The following ERC2 variants were observed in gnomAD, a reference collection of about 807,000 sequenced individuals.
ERC2 encodes ELKS/RAB6-interacting/CAST family member 2.
ERC2 carries 42 observed loss-of-function variants against 114.8 expected under a neutral mutation model. The observed-to-expected ratio is 0.37, with a 90% CI of 0.29 to 0.47. The LOEUF (loss-of-function observed/expected upper bound fraction) is 0.47. Ranked by LOEUF, ERC2 falls within the 20% of genes least tolerant of loss-of-function variation. The pLI is 0.99. For missense variants in ERC2, 939 were observed against 1,150.7 expected (o/e 0.82, Z 2.66); for synonymous variants, 454 against 425.5 (o/e 1.07, Z -0.82).
chr3:55,641,240 T>C (rs2060168930), intron 17 of ERC2, among the ~76,000 whole-genome samples: 1 of 152,140 alleles, frequency 6.6e-6, no homozygotes. Flanking sequence ...CATTATACCC[T>C]GACTTTTCAG....
At chr3:56,068,231 A>G (rs1160209019) in intron 7 of ERC2, among the ~76,000 whole-genome samples, 2 of 152,156 alleles carry the variant, frequency 1.3e-5, no homozygotes, top group African/African-American at 4.8e-5. Context: ...TTATTGGTCT[A>G]TTCAAGGATT....
At chr3:56,410,257 A>C (rs2107097898) in intron 2 of ERC2, among the ~76,000 whole-genome samples, 1 of 152,374 alleles carries the variant, frequency 6.6e-6, no homozygotes, top group Middle Eastern at 3.4e-3. Context: ...TATAAAACAT[A>C]AATTTAGTAA....
intron 2 of ERC2, among the ~76,000 whole-genome samples, chr3:56,348,949 AAGGAAG>A (rs1560643127): frequency 1.5e-5 from 2 of 137,746 alleles, no homozygotes; most frequent in East Asian, 2.0e-4. Context: ...GGAAGGAAGG[AAGGAAG>A]GAAAGAAAGA....
chr3:56,243,693 C>G (rs4974127), intron 3 of ERC2, among the ~76,000 whole-genome samples: 1 of 151,876 alleles, frequency 6.6e-6, no homozygotes, highest in African/African-American at 2.4e-5. Flanking sequence ...AACAGAAAAT[C>G]ATTTGGGATG....
At chr3:55,590,682 T>C (rs1324372072) in intron 17 of ERC2, among the ~76,000 whole-genome samples, 2 of 152,344 alleles carry the variant, frequency 1.3e-5, no homozygotes, top group South Asian at 2.1e-4. Flanking sequence ...TATGCACTTA[T>C]GCATGTAAAT....
chr3:56,126,264 A>G (rs1480326322), intron 6 of ERC2, among the ~76,000 whole-genome samples: 1 of 152,230 alleles, frequency 6.6e-6, no homozygotes, highest in African/African-American at 2.4e-5. Flanking sequence ...CATTTGTCCT[A>G]CTAGAATTTC....
intron 16 of ERC2, 67 bp from the exon 17 acceptor site, chr3:55,683,926 G>C: frequency 1.9e-6 from 3 of 1,560,694 alleles, no homozygotes; most frequent in Non-Finnish European, 1.7e-6. Context: ...AGAAGAGAAG[G>C]TTAGTTACAC....
At chr3:56,137,238 A>T (rs1286806768) in intron 6 of ERC2, among the ~76,000 whole-genome samples, 1 of 152,238 alleles carries the variant, frequency 6.6e-6, no homozygotes, top group East Asian at 1.9e-4. Flanking sequence ...GGGTAAGCAG[A>T]CTGCCTTGCT....
chr3:55,809,033 A>T (rs765528196), intron 14 of ERC2, among the ~76,000 whole-genome samples: 1 of 151,998 alleles, frequency 6.6e-6, no homozygotes, highest in Non-Finnish European at 1.5e-5. Flanking sequence ...TATGTCCCCC[A>T]GTGCAGTCTT....
At chr3:56,128,065 T>C (rs980757446) in intron 6 of ERC2, among the ~76,000 whole-genome samples, 7 of 151,648 alleles carry the variant, frequency 4.6e-5, no homozygotes, top group African/African-American at 1.5e-4. Flanking sequence ...CTCAAAAAAA[T>C]AAATAAAAAT....
chr3:55,784,619 T>C (rs1288351130), intron 14 of ERC2, among the ~76,000 whole-genome samples: 1 of 152,254 alleles, frequency 6.6e-6, no homozygotes, highest in Non-Finnish European at 1.5e-5. Context: ...ATCTTTCTTC[T>C]TCCTTTATGT....
At chr3:56,098,767 C>T (rs189348355) in intron 6 of ERC2, among the ~76,000 whole-genome samples, 213 of 152,290 alleles carry the variant, frequency 1.4e-3, no homozygotes, top group African/African-American at 4.4e-3. Flanking sequence ...GCAGTGAGGA[C>T]TTCTAGACAC....
intron 13 of ERC2, among the ~76,000 whole-genome samples, chr3:55,940,029 T>C (rs940622093): frequency 5.3e-5 from 8 of 152,198 alleles, no homozygotes; most frequent in African/African-American, 1.9e-4. Flanking sequence ...TAGAGTGACT[T>C]ACATTTAAAG....
At chr3:56,044,742 G>A (rs941661951) in intron 7 of ERC2, among the ~76,000 whole-genome samples, 1 of 152,060 alleles carries the variant, frequency 6.6e-6, no homozygotes, top group Non-Finnish European at 1.5e-5. Flanking sequence ...CCGGGGGCAG[G>A]ATTAGGACGC....
At position 56,323,336 on chromosome 3, in the gene ERC2, TC is replaced by T. The variant is rs2057211367; in HGVS notation, c.658-26902del. On this transcript the variant is annotated intron_variant, in intron 2 of 17. Transcript: ENST00000288221. ...AATGCTTGGAGCTCACACTTTGCTC[TC>T]TTGGAACACAGTATCATGATATGAA... Among the ~76,000 whole-genome samples the T allele has an allele frequency of 3.3e-5, 5 of 152,300 alleles. No homozygotes were observed. The South Asian group carries it at 1.0e-3, about 32-fold the overall frequency.
chr3:55,682,926 G>T (rs1349977712), intron 17 of ERC2, among the ~76,000 whole-genome samples: 1 of 152,182 alleles, frequency 6.6e-6, no homozygotes. Context: ...GAGGAGAGGT[G>T]TAATTCCCAG....
At chr3:55,993,680 CA>C (rs138895783) in intron 10 of ERC2, among the ~76,000 whole-genome samples, 22 of 145,594 alleles carry the variant, frequency 1.5e-4, no homozygotes, top group Admixed American at 3.4e-4. Context: ...CTCAATTACA[CA>C]AAAAAAAAAC....
intron 2 of ERC2, among the ~76,000 whole-genome samples, chr3:56,384,386 G>C (rs1274589862): frequency 6.6e-6 from 1 of 152,044 alleles, no homozygotes; most frequent in African/African-American, 2.4e-5. Context: ...TTTTGTAATA[G>C]CCATCTTAAT....
At chr3:55,705,446 A>C (rs1007071386) in intron 15 of ERC2, among the ~76,000 whole-genome samples, 1 of 152,180 alleles carries the variant, frequency 6.6e-6, no homozygotes, top group African/African-American at 2.4e-5. Flanking sequence ...ATGTGGAAAG[A>C]GCAGGAAATG....
Sources: gnomAD v4.1 joint callset for allele counts (sites outside exome capture counted in the v4.1 genomes callset) on GRCh38, gnomAD v4.1.1 for gene constraint, MANE v1.5 for transcripts, NCBI Gene and HGNC (gene_info 2026-07-23, HGNC 2026-07-21) for gene names.